The following NAV2 variants were observed in gnomAD, a reference collection of about 807,000 sequenced individuals.
NAV2 encodes the protein helicase, APC down-regulated 1.
A neutral mutation model predicts 223.2 loss-of-function variants in NAV2; 54 were observed. The observed-to-expected ratio is 0.24, with a 90% CI of 0.19 to 0.30. NAV2 has a LOEUF of 0.30. NAV2 is among the 10% of genes least tolerant of loss of function. The pLI, the probability that NAV2 is intolerant of heterozygous loss-of-function variation, is 1.00. For synonymous variants in NAV2, 1,279 were observed against 1,239.3 expected, an observed-to-expected ratio of 1.03 and a Z score of -0.67; for missense variants, 2,806 against 3,147.5, an observed-to-expected ratio of 0.89 and a Z score of 2.60.
intron 1 of NAV2, among the ~76,000 whole-genome samples, chr11:19,363,474 C>T (rs1381519362): frequency 6.6e-6 from 1 of 152,158 alleles, no homozygotes; most frequent in Non-Finnish European, 1.5e-5. Flanking sequence ...TCCCTGATAT[C>T]CCCCAGCTAA....
At chr11:19,904,759 TCA>T (rs1200018397) in intron 6 of NAV2, among the ~76,000 whole-genome samples, 1 of 152,184 alleles carries the variant, frequency 6.6e-6, no homozygotes, top group Non-Finnish European at 1.5e-5. Context: ...ATTTGTCTTC[TCA>T]CAGTTGAATA....
At chr11:19,893,211 T>C (rs997809765) in intron 6 of NAV2, among the ~76,000 whole-genome samples, 1 of 151,896 alleles carries the variant, frequency 6.6e-6, no homozygotes, top group Non-Finnish European at 1.5e-5. Flanking sequence ...AATAGTCCCA[T>C]GGGGGTGCTG....
At chr11:19,401,225 A>G (rs2702668) in intron 1 of NAV2, among the ~76,000 whole-genome samples, 91,088 of 152,104 alleles carry the variant, frequency 0.6, 27,603 homozygotes, top group South Asian at 0.69. Context: ...TACTTATAAT[A>G]TTAAGTGACT....
At chr11:19,494,199 T>G (rs2042722000) in intron 1 of NAV2, among the ~76,000 whole-genome samples, 2 of 152,316 alleles carry the variant, frequency 1.3e-5, no homozygotes, top group Admixed American at 1.3e-4. Flanking sequence ...GGGCCATGGA[T>G]TGAGCCAGTT....
chr11:19,776,609 G>GT (rs1565295731), intron 1 of NAV2, among the ~76,000 whole-genome samples: 1,341 of 69,660 alleles, frequency 0.019, 51 homozygotes, highest in African/African-American at 0.079. Context: ...TGTGTGTGTG[G>GT]TTAGAGTTGT....
chr11:19,694,917 G>A (rs569034217), intron 1 of NAV2, among the ~76,000 whole-genome samples: 4 of 152,294 alleles, frequency 2.6e-5, no homozygotes, highest in East Asian at 1.9e-4. Flanking sequence ...CACTGTCCCC[G>A]GAGCCTGTTT....
intron 1 of NAV2, among the ~76,000 whole-genome samples, chr11:19,414,793 A>C (rs1260417353): frequency 6.6e-6 from 1 of 152,230 alleles, no homozygotes; most frequent in Non-Finnish European, 1.5e-5. Flanking sequence ...TAAGAAACTC[A>C]ATCAAAACTG....
At chr11:19,742,539 C>T (rs60036452) in intron 1 of NAV2, among the ~76,000 whole-genome samples, 27,441 of 152,088 alleles carry the variant, frequency 0.18, 3,862 homozygotes, top group African/African-American at 0.38. Context: ...CTACGTGAGG[C>T]GCTCCAGGTA....
At chr11:19,718,775 T>C (rs2050517974) in intron 1 of NAV2, among the ~76,000 whole-genome samples, 1 of 149,864 alleles carries the variant, frequency 6.7e-6, no homozygotes, top group Non-Finnish European at 1.5e-5. Context: ...GGTGGCTTAT[T>C]CAGGGTAACA....
chr11:20,084,927 G>A (rs147556906), intron 26 of NAV2, among the ~76,000 whole-genome samples: 27 of 152,260 alleles, frequency 1.8e-4, no homozygotes, highest in Middle Eastern at 6.8e-3. Context: ...AGTTACTGTC[G>A]CCTGTAATCC....
At chr11:19,496,995 A>C (rs151034991) in intron 1 of NAV2, among the ~76,000 whole-genome samples, 1 of 152,284 alleles carries the variant, frequency 6.6e-6, no homozygotes, top group Non-Finnish European at 1.5e-5. Context: ...TAATCTTTCT[A>C]TGCCTTGGAT....
At chr11:19,562,384 T>G (rs1192969825) in intron 1 of NAV2, among the ~76,000 whole-genome samples, 1 of 152,096 alleles carries the variant, frequency 6.6e-6, no homozygotes, top group Non-Finnish European at 1.5e-5. Context: ...GCCTCAAGCT[T>G]TTGGGGCATC....
At chr11:20,049,382 T>A in intron 15 of NAV2, 187 bp downstream of exon 15, 1 of 584,260 alleles carries the variant, frequency 1.7e-6, no homozygotes, top group Non-Finnish European at 3.0e-6. Flanking sequence ...CCTGTTATCT[T>A]TTCCTCTGTG....
chr11:19,677,900 C>A (rs376326717), intron 1 of NAV2, among the ~76,000 whole-genome samples: 2 of 152,216 alleles, frequency 1.3e-5, no homozygotes, highest in Non-Finnish European at 2.9e-5. Context: ...TACTATCTGG[C>A]CTTTTATAGA....
intron 6 of NAV2, among the ~76,000 whole-genome samples, chr11:19,907,529 GGA>G (rs200316048): frequency 0.61 from 92,161 of 151,328 alleles, 28,519 homozygotes; most frequent in Non-Finnish European, 0.68. Context: ...ACTCATAGGG[GGA>G]GGGGGAATTT....
intron 1 of NAV2, among the ~76,000 whole-genome samples, chr11:19,431,862 T>C (rs1851047922): frequency 6.6e-6 from 1 of 152,186 alleles, no homozygotes; most frequent in African/African-American, 2.4e-5. Context: ...ATAACACACA[T>C]CACATTTTCC....
Position 19,879,905 on chromosome 11 carries a change from T to C in NAV2, c.548T>C (p.Leu183Pro). The stretch of plus-strand genomic sequence containing the variant: ...GGAAACCTCAAGGCCATTCTAGGCC[T>C]CTTCTTCAGCCTCTCCCGATACAAG... ...RNGNLKAILG[L>P]FFSLSRYKQQ... The change falls in exon 5 of 38, where the codon CTC (leucine) becomes CCC (proline). Residue 183 changes from leucine to proline, a missense_variant. Physicochemically the swap from Leu to Pro is moderately conservative, Grantham distance 98. This residue lies in a region of NAV2 where 1,167 missense variants were observed against 1,180.5 expected (regional missense o/e 0.99). Transcript: ENST00000349880. 6.2e-7 allele frequency: 1 copy of C among 1,613,870 alleles called. No homozygotes were observed. Among genetic ancestry groups the C allele is most frequent in the Non-Finnish European group, 8.5e-7 (1 of 1,180,042 alleles).
chr11:19,690,543 C>A (rs868571727), intron 1 of NAV2, among the ~76,000 whole-genome samples: 5 of 152,208 alleles, frequency 3.3e-5, no homozygotes, highest in Admixed American at 1.3e-4. Context: ...AGAATCAACA[C>A]GTAATAAGTG....
At chr11:19,513,641 G>A (rs1472400001) in intron 1 of NAV2, among the ~76,000 whole-genome samples, 2 of 152,164 alleles carry the variant, frequency 1.3e-5, no homozygotes, top group Non-Finnish European at 2.9e-5. Context: ...AACTATTATG[G>A]GTTGACTTGG....
Sources: allele counts gnomAD v4.1 joint callset (sites outside exome capture counted in the v4.1 genomes callset), GRCh38; gene constraint gnomAD v4.1.1; regional missense constraint gnomAD v4.1.1; transcripts MANE v1.5; gene names NCBI Gene and HGNC (gene_info 2026-07-23, HGNC 2026-07-21).